CYYR1: variants seen among roughly 807,000 people sequenced by gnomAD.
The protein encoded by CYYR1 is cysteine and tyrosine rich 1, also known as cysteine and tyrosine-rich protein 1.
A neutral mutation model predicts 15.2 loss-of-function variants in CYYR1; 14 were observed. That is an observed-to-expected ratio of 0.92 (90% CI 0.61 to 1.44). The LOEUF is 1.44. Ranked by LOEUF, CYYR1 falls within the 40% of genes most tolerant of loss-of-function variation. CYYR1 has a pLI of 0.00. For synonymous variants in CYYR1, 80 were observed against 77.4 expected (o/e 1.03, Z -0.18); for missense variants, 228 against 209.5 (o/e 1.09, Z -0.54).
chr21:26,501,062 G>A (rs967555700), intron 2 of CYYR1, among the ~76,000 whole-genome samples: 8 of 152,124 alleles, frequency 5.3e-5, no homozygotes, highest in African/African-American at 1.7e-4. Context: ...CAGTAAGGCC[G>A]GGCGCAGTGA....
chr21:26,557,404 C>A (rs1441319573), intron 2 of CYYR1, among the ~76,000 whole-genome samples: 1 of 152,096 alleles, frequency 6.6e-6, no homozygotes, highest in East Asian at 1.9e-4. Flanking sequence ...GTAACATATT[C>A]AATTCAGAAT....
chr21:26,468,688 ACTGTGT>A, intron 3 of CYYR1, 54 bp from the exon 4 acceptor site: 1 of 1,394,676 alleles, frequency 7.2e-7, no homozygotes, highest in Admixed American at 2.0e-5. Context: ...TTGCATTTCT[ACTGTGT>A]TGAAGCCACT....
rs539806931 is a variant in CYYR1, at chr21:26,467,509, C to T, written c.*992G>A. On this transcript the variant is annotated 3_prime_UTR_variant, in exon 4 of 4. Transcript: ENST00000652641. Reference sequence around the variant, plus strand: ...TTTTTGCGAGTCTGTTGTGTATCTTCATGGTCAAGTTCTGAGATTTTTGCT... The same window carrying T: ...TTTTTGCGAGTCTGTTGTGTATCTTTATGGTCAAGTTCTGAGATTTTTGCT... 5 of 152,254 alleles carry T rather than the reference C, an allele frequency of 3.3e-5. No individual in the cohort carries two copies. In the East Asian group the frequency reaches 9.7e-4, roughly 29 times the overall value. The allele number at this position is 152,254 out of a possible 1,614,324, so 9.4% of individuals were successfully genotyped here. A position where few individuals can be genotyped will look rare whatever the true frequency, so the allele number is the denominator to read the frequency against.
chr21:26,497,001 T>C (rs1288149503), intron 2 of CYYR1, among the ~76,000 whole-genome samples: 1 of 152,198 alleles, frequency 6.6e-6, no homozygotes, highest in Non-Finnish European at 1.5e-5. Context: ...TAATGAAAGA[T>C]ATTTATTGAA....
chr21:26,513,827 C>T (rs753836086), intron 2 of CYYR1, among the ~76,000 whole-genome samples: 1 of 149,100 alleles, frequency 6.7e-6, no homozygotes, highest in Admixed American at 6.8e-5. Context: ...AAAAACCAAA[C>T]ACCGCATGTT....
At chr21:26,568,150 A>G (rs1295482835) in intron 1 of CYYR1, 1 of 152,256 alleles carries the variant, frequency 6.6e-6, no homozygotes, top group African/African-American at 2.4e-5. Context: ...TGCAGAGTAC[A>G]ACAGACTTTT....
At chr21:26,554,609 C>T (rs1011566812) in intron 2 of CYYR1, among the ~76,000 whole-genome samples, 1 of 151,934 alleles carries the variant, frequency 6.6e-6, no homozygotes, top group Admixed American at 6.6e-5. Flanking sequence ...GAGTGCTCTC[C>T]TGGGGAGAGG....
chr21:26,473,690 G>T (rs1279484237), intron 3 of CYYR1, among the ~76,000 whole-genome samples: 2 of 152,148 alleles, frequency 1.3e-5, no homozygotes, highest in East Asian at 3.9e-4. Flanking sequence ...CTCAAGAAAT[G>T]AGATCTGTTG....
chr21:26,533,800 T>TGCTTTTCTC (rs1393628159), intron 2 of CYYR1, among the ~76,000 whole-genome samples: 1 of 152,184 alleles, frequency 6.6e-6, no homozygotes, highest in East Asian at 1.9e-4. Context: ...ATGCTTGCTG[T>TGCTTTTCTC]TCGTCTGAGA....
chr21:26,529,156 G>A (rs1354386460), intron 2 of CYYR1, among the ~76,000 whole-genome samples: 2 of 152,156 alleles, frequency 1.3e-5, no homozygotes. Flanking sequence ...AGGGTCAGAG[G>A]AGGTTAGTAA....
In CYYR1 at chr21:26,566,214, C is replaced by A; in HGVS notation, c.176+52G>T. On this transcript the variant is annotated intron_variant, in intron 2 of 3. Transcript: ENST00000652641. ...AGTACTTTTAAAAGACATAACTGGA[C>A]AACTGGACAAGAGGAAGAGCATCAG... 2 of 1,325,186 alleles carry A rather than the reference C, an allele frequency of 1.5e-6. 1 individual carries two copies. Among genetic ancestry groups the A allele is most frequent in the South Asian group, 2.4e-5 (2 of 82,826 alleles). 82.1% of individuals were successfully genotyped at this position (1,325,186 alleles called of 1,614,324 possible). A position where few individuals can be genotyped will look rare whatever the true frequency, so the allele number is the denominator to read the frequency against.
chr21:26,568,885 A>C (rs967463370), intron 1 of CYYR1: 1 of 152,214 alleles, frequency 6.6e-6, no homozygotes, highest in African/African-American at 2.4e-5. Context: ...ATCATCAGAG[A>C]AATGCAAATC....
chr21:26,472,893 T>C (rs1478577862), intron 3 of CYYR1, among the ~76,000 whole-genome samples: 3 of 152,174 alleles, frequency 2.0e-5, no homozygotes, highest in Admixed American at 2.0e-4. Context: ...AGTTTACCCA[T>C]TTAAATTTAT....
intron 2 of CYYR1, among the ~76,000 whole-genome samples, chr21:26,488,282 T>TTCCTTCCTTCCC (rs1156282921): frequency 6.6e-6 from 1 of 151,482 alleles, no homozygotes; most frequent in Non-Finnish European, 1.5e-5. Context: ...CCTTCCTTCC[T>TTCCTTCCTTCCC]TCCAGACAAG....
intron 2 of CYYR1, among the ~76,000 whole-genome samples, chr21:26,511,303 C>G (rs752293865): frequency 6.2e-4 from 95 of 152,290 alleles, no homozygotes; most frequent in Non-Finnish European, 1.1e-3. Context: ...AGAGACTAAA[C>G]TATTAAAGAT....
intron 2 of CYYR1, among the ~76,000 whole-genome samples, chr21:26,489,858 A>G (rs998735839): frequency 1.3e-5 from 2 of 152,170 alleles, no homozygotes; most frequent in Admixed American, 6.5e-5. Context: ...TGGAGATGCT[A>G]TATCAACTCC....
At chr21:26,468,993 G>C (rs1056438597) in intron 3 of CYYR1, among the ~76,000 whole-genome samples, 5 of 152,104 alleles carry the variant, frequency 3.3e-5, no homozygotes, top group Admixed American at 3.3e-4. Flanking sequence ...TGAGGAGTGC[G>C]GTTATATCAC....
Position 26,562,727 on chromosome 21 carries a change from A to AACACACACACAC in CYYR1, c.176+3527_176+3538dup, listed in dbSNP as rs58990363. On this transcript the variant is annotated intron_variant, in intron 2 of 3. Transcript: ENST00000652641. ...TCTGTTCCCTAAACATCTCCTCCTA[A>AACACACACACAC]ACACACACACACACACACACACACA... Among the ~76,000 whole-genome samples, 513 of 131,682 alleles carry AACACACACACAC rather than the reference A, an allele frequency of 3.9e-3. 3 individuals are homozygous for AACACACACACAC. Among genetic ancestry groups the AACACACACACAC allele is most frequent in the African/African-American group, 0.014 (479 of 34,660 alleles). The allele number at this position is 131,682 out of a possible 152,430, so 86.4% of individuals were successfully genotyped here. A position where few individuals can be genotyped will look rare whatever the true frequency, so the allele number is the denominator to read the frequency against.
At chr21:26,468,819 C>T (rs530123495) in intron 3 of CYYR1, among the ~76,000 whole-genome samples, 185 bp from the exon 4 acceptor site, 102 of 152,152 alleles carry the variant, frequency 6.7e-4, no homozygotes, top group African/African-American at 2.2e-3. Context: ...TATCATGGGT[C>T]AAAGTGTTAA....
Sources: allele counts gnomAD v4.1 joint callset (sites outside exome capture counted in the v4.1 genomes callset), GRCh38; gene constraint gnomAD v4.1.1; transcripts MANE v1.5; gene names NCBI Gene and HGNC (gene_info 2026-07-23, HGNC 2026-07-21).